SAG: variants seen among roughly 807,000 people sequenced by gnomAD.
SAG encodes S-antigen visual arrestin, also known as S-arrestin.
A neutral mutation model predicts 55.0 loss-of-function variants in SAG; 45 were observed. The observed-to-expected ratio is 0.82, with a 90% confidence interval of 0.64 to 1.05. SAG has a LOEUF of 1.05. SAG is among the 50% of genes least tolerant of loss of function. The pLI is 0.00. For missense variants in SAG, 455 were observed against 512.1 expected (o/e 0.89, Z 1.08); for synonymous variants, 189 against 197.4 (o/e 0.96, Z 0.36).
chr2:233,338,400 G>A (rs1701003841), intron 11 of SAG: 1 of 408,634 alleles, frequency 2.4e-6, no homozygotes. Context: ...CGGGGGATGT[G>A]CATCTATAGA....
rs748410984 is a variant in SAG, at chr2:233,320,650, G to A, written c.202G>A (p.Ala68Thr). Reference protein sequence around the residue: ...GKKVYVTLTCAFRYGQEDIDV... With the variant: ...GKKVYVTLTCTFRYGQEDIDV... ...TGCAGTGTATGTCACTCTGACCTGC[G>A]CCTTCCGCTATGGCCAAGAGGACAT... The change falls in exon 5 of 16, where the codon GCC (alanine) becomes ACC (threonine). Residue 68 changes from alanine to threonine, a missense_variant. Ala to Thr is a moderately conservative substitution (Grantham distance 58). Coordinates refer to ENST00000409110, the MANE Select transcript of SAG (RefSeq NM_000541.5). 3.2e-5 allele frequency: 52 copies of A among 1,600,906 alleles called. No homozygotes were observed. The highest frequency in any genetic ancestry group is 5.2e-5 in the Admixed American group (3 of 57,758).
In SAG at chr2:233,319,958, G is replaced by C; in HGVS notation, c.182-672G>C. ...TTTATATTTGAGAAATATGTGCTTC[G>C]TGTCTTTTTTAGAAGGTGTAGTGAA... On this transcript the variant is annotated intron_variant, in intron 4 of 15. Transcript: ENST00000409110. The surrounding 1 kb of genome is among the most constrained non-coding windows in gnomAD (Gnocchi z 4.4). 3 of 985,500 alleles carry C rather than the reference G, an allele frequency of 3.0e-6. No homozygotes were observed. Among genetic ancestry groups the C allele is most frequent in the Non-Finnish European group, 3.6e-6 (3 of 829,944 alleles). 61.0% of individuals were successfully genotyped at this position (985,500 alleles called of 1,614,324 possible).
chr2:233,331,141 AC>A (rs1321200028), intron 9 of SAG, among the ~76,000 whole-genome samples: 6 of 152,054 alleles, frequency 3.9e-5, no homozygotes, highest in African/African-American at 1.4e-4. Context: ...TGCAATTATT[AC>A]CCCCATTTTA....
chr2:233,309,333 C>G, intron 2 of SAG, 69 bp downstream of exon 2: 1 of 1,362,370 alleles, frequency 7.3e-7, no homozygotes, highest in South Asian at 1.2e-5. Context: ...TTTTCAAGTA[C>G]AGTGTAGTCA....
intron 6 of SAG, 121 bp from the exon 7 acceptor site, chr2:233,327,000 C>T (rs1347168893): frequency 8.1e-6 from 6 of 736,626 alleles, no homozygotes; most frequent in Non-Finnish European, 1.2e-5. Flanking sequence ...CCGAATAGGA[C>T]ATGGCCAAGA....
chr2:233,326,584 T>G (rs528587660), intron 6 of SAG, among the ~76,000 whole-genome samples: 410 of 112,458 alleles, frequency 3.6e-3, no homozygotes, highest in African/African-American at 0.013. Flanking sequence ...AGACTCCATC[T>G]CCAAAAAAAA....
At chr2:233,338,602 A>T in intron 11 of SAG, 74 bp from the exon 12 acceptor site, 1 of 1,327,644 alleles carries the variant, frequency 7.5e-7, no homozygotes, top group Non-Finnish European at 1.1e-6. Flanking sequence ...CCTGCCTCGA[A>T]TGGAAAGGCT....
chr2:233,317,793 CTA>C (rs140592889), intron 3 of SAG, among the ~76,000 whole-genome samples: 3,281 of 152,032 alleles, frequency 0.022, 67 homozygotes, highest in African/African-American at 0.045. Flanking sequence ...CACGTTTTCT[CTA>C]TATGTGTGTG....
In SAG at chr2:233,329,591, C is replaced by G; in HGVS notation, c.733+14C>G. On this transcript the variant is annotated intron_variant, in intron 9 of 15. Transcript: ENST00000409110. Reference sequence around the variant, plus strand: ...TTAAAGCATTCGGTAGGACCTTCTTCTCAGAAGTAGAGGGCATAGTCTTCT... The same window carrying G: ...TTAAAGCATTCGGTAGGACCTTCTTGTCAGAAGTAGAGGGCATAGTCTTCT... 6.4e-7 allele frequency: 1 copy of G among 1,566,924 alleles called. No individual in the cohort carries two copies. The highest frequency in any genetic ancestry group is 1.3e-5 in the African/African-American group (1 of 74,086).
chr2:233,311,061 C>T (rs1324193790), intron 2 of SAG, among the ~76,000 whole-genome samples: 1 of 152,138 alleles, frequency 6.6e-6, no homozygotes, highest in African/African-American at 2.4e-5. Context: ...ACGTTGTTTT[C>T]CCCTTGCTCC....
intron 11 of SAG, among the ~76,000 whole-genome samples, chr2:233,336,876 G>T (rs970186254): frequency 6.6e-6 from 1 of 152,098 alleles, no homozygotes; most frequent in African/African-American, 2.4e-5. Context: ...TGGGCGAATC[G>T]CTTGAGCCCA....
At chr2:233,317,689 G>A (rs186941316) in intron 3 of SAG, among the ~76,000 whole-genome samples, 41 of 152,252 alleles carry the variant, frequency 2.7e-4, no homozygotes, top group Admixed American at 2.4e-3. Flanking sequence ...GGGAAAAATT[G>A]GAAACAACCT....
At chr2:233,331,489 T>C (rs1031507356) in intron 9 of SAG, 151 bp from the exon 10 acceptor site, 15 of 696,782 alleles carry the variant, frequency 2.2e-5, no homozygotes, top group Middle Eastern at 3.6e-4. Flanking sequence ...ACCCCAGCCT[T>C]GAAGCTGAGG....
At chr2:233,309,659 C>T (rs1203024160) in intron 2 of SAG, among the ~76,000 whole-genome samples, 2 of 150,540 alleles carry the variant, frequency 1.3e-5, no homozygotes, top group Admixed American at 6.6e-5. Flanking sequence ...AAAAAACAAA[C>T]AAACACTGTG....
At chr2:233,318,677 C>G in intron 3 of SAG, 74 bp from the exon 4 acceptor site, 2 of 1,238,900 alleles carry the variant, frequency 1.6e-6, no homozygotes, top group Non-Finnish European at 2.4e-6. Flanking sequence ...TAAAAACATG[C>G]GCAGTTTTTA....
intron 3 of SAG, 25 bp downstream of exon 3, chr2:233,316,160 A>G: frequency 2.8e-6 from 4 of 1,436,052 alleles, no homozygotes; most frequent in Non-Finnish European, 3.9e-6. Context: ...GAAAACTGTA[A>G]TGCTGGTTTT....
In SAG at chr2:233,320,880, G is replaced by A. The variant is rs146040381; in HGVS notation, c.375+57G>A. On this transcript the variant is annotated intron_variant, in intron 5 of 15. Transcript: ENST00000409110. ...TTCACCCGCAGCACCTTATCATGTG[G>A]ATGGGGGCAAAGGAAAGGGGATAGA... The A allele has an allele frequency of 2.3e-4, 326 of 1,435,592 alleles. No individual in the cohort carries two copies. In the African/African-American group the frequency reaches 4.3e-3, roughly 19 times the overall value. The allele number at this position is 1,435,592 out of a possible 1,614,324, so 88.9% of individuals were successfully genotyped here.
rs553956597 is a variant in SAG at position 233,329,171 on chromosome 2, G to T, written c.649-322G>T. 2.2e-5 allele frequency: 8 copies of T among 367,286 alleles called. No individual in the cohort carries two copies. In the East Asian group the frequency reaches 4.9e-4, roughly 22 times the overall value. 22.8% of individuals were successfully genotyped at this position (367,286 alleles called of 1,614,324 possible). A position where few individuals can be genotyped will look rare whatever the true frequency, so the allele number is the denominator to read the frequency against. On this transcript the variant is annotated intron_variant, in intron 8 of 15. Transcript: ENST00000409110. ...GGGTGTGCCAGGGGCTGTGTTACAC[G>T]GGCTCTGCTGGGTGGGATGCCAGCA... is the stretch of plus-strand genomic sequence containing the variant.
intron 2 of SAG, among the ~76,000 whole-genome samples, chr2:233,314,221 C>CAAA (rs59624953): frequency 0.054 from 7,190 of 133,558 alleles, 433 homozygotes; most frequent in African/African-American, 0.15. Context: ...GACCTTGTCT[C>CAAA]AAAAAAAAAA....
Sources: gnomAD v4.1 joint callset for allele counts (sites outside exome capture counted in the v4.1 genomes callset) on GRCh38, gnomAD v4.1.1 for gene constraint, Gnocchi (gnomAD v3.1) non-coding constraint, MANE v1.5 for transcripts, NCBI Gene and HGNC (gene_info 2026-07-23, HGNC 2026-07-21) for gene names.